The following CHM variants were observed in gnomAD, a reference collection of about 807,000 sequenced individuals.
CHM encodes the protein CHM Rab escort protein, also known as rab proteins geranylgeranyltransferase component A 1.
A neutral mutation model predicts 49.0 loss-of-function variants in CHM; 10 were observed. That is an observed-to-expected ratio of 0.20 (90% CI 0.13 to 0.35). CHM has a LOEUF of 0.35. Among genes scored for constraint, CHM ranks in the 10% least tolerant of loss-of-function variants. The pLI, the probability that CHM is intolerant of heterozygous loss-of-function variation, is 1.00. For missense variants in CHM, 455 were observed against 478.4 expected (o/e 0.95, Z 0.46); for synonymous variants, 184 against 167.5 (o/e 1.10, Z -0.76).
chrX:86,027,536 G>C lies in CHM; in HGVS notation c.71C>G (p.Ala24Gly), dbSNP rs1321285427. 1 of 1,208,484 alleles carries C rather than the reference G, an allele frequency of 8.3e-7. No homozygotes were observed. The highest frequency in any genetic ancestry group is 1.1e-6 in the Non-Finnish European group (1 of 892,809). Residue 24 changes from alanine to glycine, a missense_variant, in exon 2 of 15, where the codon GCA (alanine) becomes GGA (glycine). By Grantham distance (60) the Ala-to-Gly change is moderately conservative (BLOSUM62 0). Coordinates refer to ENST00000357749, the MANE Select transcript of CHM (RefSeq NM_000390.4). ...IGTGLPESII[A>G]AACSRSGRRV... ...CCGGCCACTTCTTGAACATGCAGCT[G>C]CAATGATGGATTCAGGCAAACCTAC...
chrX:85,900,538 G>A (rs981667069), intron 11 of CHM, 108 bp downstream of exon 11: 12 of 543,695 alleles, frequency 2.2e-5, no homozygotes, highest in Non-Finnish European at 3.2e-5. Context: ...ACTATGTAAA[G>A]ACATATGTTA....
chrX:85,907,443 T>C (rs1054076830), intron 9 of CHM, among the ~76,000 whole-genome samples: 1 of 112,600 alleles, frequency 8.9e-6, no homozygotes, highest in Non-Finnish European at 1.9e-5. Context: ...AAAAGAAAAC[T>C]GTTCAACTAG....
At chrX:85,965,620 A>C (rs1290614250) in intron 4 of CHM, among the ~76,000 whole-genome samples, 2 of 111,606 alleles carry the variant, frequency 1.8e-5, no homozygotes, top group Non-Finnish European at 3.8e-5. Context: ...TAAGGCCAAG[A>C]AAAAAACACG....
Position 86,002,488 on chromosome X carries a change from G to A in CHM, c.117-20679C>T, listed in dbSNP as rs536077744. 4.5e-5 allele frequency among the ~76,000 whole-genome samples: 5 copies of A among 112,122 alleles called. No homozygotes were observed. In the South Asian group the frequency reaches 1.5e-3, roughly 33 times the overall value. ...GTCTGCAGCTCCCAGTGTGATCAAC[G>A]CAGAAGACAGGTGATTTCTGCATTT... On this transcript the variant is annotated intron_variant, in intron 2 of 14. Transcript: ENST00000357749.
At chrX:86,002,952 C>T (rs968800482) in intron 2 of CHM, among the ~76,000 whole-genome samples, 2 of 112,182 alleles carry the variant, frequency 1.8e-5, no homozygotes, top group Non-Finnish European at 3.8e-5. Flanking sequence ...CCCTGACCCC[C>T]GTGTAGCCTA....
intron 14 of CHM, among the ~76,000 whole-genome samples, chrX:85,872,812 T>C (rs765481511): frequency 6.0e-4 from 67 of 112,093 alleles, no homozygotes; most frequent in Non-Finnish European, 1.1e-3. Flanking sequence ...ATTCCCACGA[T>C]GGAACTCATA....
intron 3 of CHM, 78 bp downstream of exon 3, chrX:85,981,659 A>G (rs745567890): frequency 2.9e-6 from 2 of 681,333 alleles, no homozygotes; most frequent in East Asian, 7.0e-5. Context: ...GGTGAAGCTT[A>G]GGGTTTTCTT....
chrX:86,003,376 G>A (rs770771944), intron 2 of CHM, among the ~76,000 whole-genome samples: 20 of 112,235 alleles, frequency 1.8e-4, no homozygotes, highest in African/African-American at 6.1e-4. Context: ...GCAGCTCCTC[G>A]CCAGCAATGG....
At chrX:85,914,583 G>T (rs1927339305) in intron 8 of CHM, among the ~76,000 whole-genome samples, 1 of 110,603 alleles carries the variant, frequency 9.0e-6, no homozygotes. Flanking sequence ...GGGCCCACAT[G>T]CATAAGAATC....
intron 2 of CHM, among the ~76,000 whole-genome samples, chrX:86,019,035 ATG>A (rs1320963593): frequency 8.9e-6 from 1 of 111,771 alleles, no homozygotes; most frequent in Non-Finnish European, 1.9e-5. Flanking sequence ...TCTCTGGAGA[ATG>A]TATAAAAGGT....
chrX:85,958,281 T>G (rs1287167326), intron 6 of CHM, among the ~76,000 whole-genome samples: 2 of 109,550 alleles, frequency 1.8e-5, no homozygotes, highest in African/African-American at 6.6e-5. Flanking sequence ...ATGTACATGT[T>G]AGTACATTTT....
In CHM at chrX:85,922,765, A is replaced by G. The variant is rs139222471; in HGVS notation, c.1167-11427T>C. On this transcript the variant is annotated intron_variant, in intron 8 of 14. Coordinates refer to ENST00000357749, the MANE Select transcript of CHM (RefSeq NM_000390.4). ...AATGACTCCTGCAGCCTCAGGAAAC[A>G]GTTACGTTCAAAACAATCCCAAGCC... Among the ~76,000 whole-genome samples, 364 of 111,937 alleles carry G rather than the reference A, an allele frequency of 3.3e-3. 2 individuals are homozygous for G. The highest frequency in any genetic ancestry group is 0.011 in the African/African-American group (350 of 30,780).
intron 13 of CHM, among the ~76,000 whole-genome samples, chrX:85,875,937 C>T (rs1924387957): frequency 9.0e-6 from 1 of 111,604 alleles, no homozygotes; most frequent in Admixed American, 9.5e-5. Context: ...GAATGCAATC[C>T]TATTTACAAT....
At chrX:86,039,248 G>T (rs1934360706) in intron 1 of CHM, among the ~76,000 whole-genome samples, 1 of 111,520 alleles carries the variant, frequency 9.0e-6, no homozygotes, top group South Asian at 3.7e-4. Context: ...AAGTAACACA[G>T]GTGTAGAAAA....
chrX:86,017,605 C>T (rs57172746), intron 2 of CHM, among the ~76,000 whole-genome samples: 1,318 of 111,517 alleles, frequency 0.012, 15 homozygotes, highest in African/African-American at 0.037. Context: ...CCCTGCCATG[C>T]GGAACTGTAA....
chrX:85,869,698 C>G (rs895950176), intron 14 of CHM, among the ~76,000 whole-genome samples: 33 of 112,108 alleles, frequency 2.9e-4, no homozygotes, highest in African/African-American at 9.4e-4. Context: ...GAAAGTGTAT[C>G]TAATGCTTCT....
intron 8 of CHM, among the ~76,000 whole-genome samples, chrX:85,915,765 G>A (rs765057973): frequency 1.8e-5 from 2 of 111,773 alleles, no homozygotes; most frequent in East Asian, 5.7e-4. Flanking sequence ...TCTCCAAGGA[G>A]AACTACAAAC....
chrX:85,910,229 T>C (rs757843389), intron 9 of CHM, among the ~76,000 whole-genome samples: 40 of 111,765 alleles, frequency 3.6e-4, no homozygotes, highest in African/African-American at 1.1e-3. Flanking sequence ...AAGAAGTTAA[T>C]AGACATTGTA....
At chrX:85,997,491 A>T (rs1199717244) in intron 2 of CHM, among the ~76,000 whole-genome samples, 1 of 111,428 alleles carries the variant, frequency 9.0e-6, no homozygotes, top group Non-Finnish European at 1.9e-5. Context: ...CTTGAGTGCC[A>T]CAACATAGCC....
Sources: allele counts gnomAD v4.1 joint callset (sites outside exome capture counted in the v4.1 genomes callset), GRCh38; gene constraint gnomAD v4.1.1; transcripts MANE v1.5; gene names NCBI Gene and HGNC (gene_info 2026-07-23, HGNC 2026-07-21).